The following NCOR2 variants were observed in gnomAD, a reference collection of about 807,000 sequenced individuals.
The protein encoded by NCOR2 is CTG repeat protein 26.
Under a neutral mutation model 262.9 loss-of-function variants are expected in NCOR2, and 81 were observed. The observed-to-expected ratio is 0.31, with a 90% CI of 0.26 to 0.37. The LOEUF (loss-of-function observed/expected upper bound fraction) is 0.37, where lower values mean the gene tolerates loss of function less well. Among genes scored for constraint, NCOR2 ranks in the 10% least tolerant of loss-of-function variants. The pLI, the probability that NCOR2 is intolerant of heterozygous loss-of-function variation, is 1.00. For missense variants in NCOR2, 3,385 were observed against 3,621.4 expected (o/e 0.93, Z 1.68); for synonymous variants, 1,659 against 1,559.3 (o/e 1.06, Z -1.51).
chr12:124,450,140 G>A (rs912104496), intron 6 of NCOR2, among the ~76,000 whole-genome samples: 1 of 152,226 alleles, frequency 6.6e-6, no homozygotes, highest in Non-Finnish European at 1.5e-5. Context: ...GTGCTGGCCT[G>A]GAAGGGGCCA....
In NCOR2 at chr12:124,549,474, C is replaced by A. The variant is rs917302249; in HGVS notation, c.-164-13863G>T. ...GGCCTGGGGAGGAAGGCAACTGAGC[C>A]CCCTGCAGTAGAAACCCCCACCCGC... On this transcript the variant is annotated intron_variant, in intron 1 of 32. Coordinates refer to the NCOR2 transcript ENST00000458234. The surrounding 1 kb of genome is among the most constrained non-coding windows in gnomAD (Gnocchi z 4.4). Among the ~76,000 whole-genome samples, 2 of 152,016 alleles carry A rather than the reference C, an allele frequency of 1.3e-5. No homozygotes were observed. The highest frequency in any genetic ancestry group is 4.8e-5 in the African/African-American group (2 of 41,360).
At chr12:124,450,790 G>C (rs2045474361) in intron 6 of NCOR2, among the ~76,000 whole-genome samples, 1 of 152,230 alleles carries the variant, frequency 6.6e-6, no homozygotes, top group Non-Finnish European at 1.5e-5. Flanking sequence ...CTAGGTTCAA[G>C]TCCCGGTTCT....
exon 20 of NCOR2, chr12:124,372,173 T>C (rs1265804931): frequency 6.2e-7 from 1 of 1,601,518 alleles, no homozygotes; most frequent in Non-Finnish European, 8.5e-7. Flanking sequence ...CCCTCGGCCG[T>C]GGCCTCAGCG....
intron 27 of NCOR2, among the ~76,000 whole-genome samples, chr12:124,352,450 G>A (rs1337671178): frequency 6.6e-6 from 1 of 151,672 alleles, no homozygotes; most frequent in African/African-American, 2.4e-5. Flanking sequence ...ATAGTTCACT[G>A]CAGCCTCAAA....
intron 42 of NCOR2, 140 bp from the exon 45 acceptor site, chr12:124,332,607 G>A: frequency 9.1e-7 from 1 of 1,104,302 alleles, no homozygotes; most frequent in Non-Finnish European, 1.3e-6. Flanking sequence ...CCCCTGCCTG[G>A]TAGAAGATCA....
rs148540013 is a variant in NCOR2 at position 124,360,892 on chromosome 12, T to C, written c.3100+1234A>G. On this transcript the variant is annotated intron_variant, in intron 22 of 46. Coordinates refer to ENST00000405201, the Ensembl canonical transcript of NCOR2. ...TCTAAAACCATCTTGCTTCGTTACGTGTTCCCTGGTTTAACATCCTCCTCA... is the reference window on the plus strand; with the variant it reads ...TCTAAAACCATCTTGCTTCGTTACGCGTTCCCTGGTTTAACATCCTCCTCA... Among the ~76,000 whole-genome samples, 944 of 152,260 alleles carry C rather than the reference T, an allele frequency of 6.2e-3. 11 individuals carry two copies. Among genetic ancestry groups the C allele is most frequent in the African/African-American group, 0.021 (863 of 41,538 alleles).
chr12:124,455,978 C>T (rs764353420), intron 6 of NCOR2, among the ~76,000 whole-genome samples: 5 of 152,176 alleles, frequency 3.3e-5, no homozygotes, highest in African/African-American at 7.2e-5. Context: ...AGGGCTCAAG[C>T]GATCCTCCTG....
chr12:124,409,292 C>T (rs966469967), intron 13 of NCOR2, among the ~76,000 whole-genome samples: 3 of 152,328 alleles, frequency 2.0e-5, no homozygotes, highest in South Asian at 4.1e-4. Flanking sequence ...GGCAGCTCTC[C>T]CCATGCCCAC....
chr12:124,327,681 G>C lies in NCOR2; in HGVS notation c.6959-48C>G, dbSNP rs562138232. On this transcript the variant is annotated intron_variant, in intron 44 of 46. Transcript: ENST00000405201. ...CAGACAGACACATGGGGGCCGGGGA[G>C]GGGGAGCCAGAGGGGCGACAGAGAG... 37 of 1,456,570 alleles carry C rather than the reference G, an allele frequency of 2.5e-5. No homozygotes were observed. In the Admixed American group the frequency reaches 4.2e-4, roughly 16 times the overall value. The allele number at this position is 1,456,570 out of a possible 1,614,324, so 90.2% of individuals were successfully genotyped here. A position where few individuals can be genotyped will look rare whatever the true frequency, so the allele number is the denominator to read the frequency against.
intron 1 of NCOR2, among the ~76,000 whole-genome samples, chr12:124,501,062 GCACACACACACACACACACACACA>G (rs3040848): frequency 4.3e-4 from 63 of 147,920 alleles, no homozygotes; most frequent in African/African-American, 6.3e-4. Flanking sequence ...GCGCACGCGC[GCACACACACACACACACACACACA>G]CACACACACA....
intron 13 of NCOR2, among the ~76,000 whole-genome samples, chr12:124,418,618 T>C (rs1315456032): frequency 6.6e-6 from 1 of 152,212 alleles, no homozygotes. Context: ...GGGGACACTT[T>C]GTGTCTACCG....
At chr12:124,444,590 C>G (rs1352064159) in intron 7 of NCOR2, among the ~76,000 whole-genome samples, 1 of 152,070 alleles carries the variant, frequency 6.6e-6, no homozygotes, top group Non-Finnish European at 1.5e-5. Context: ...AGAAAATGAG[C>G]AGAGCCCTGG....
rs967518718 is a variant in NCOR2, at chr12:124,330,790, G to C, written c.6958+55C>G. 1.4e-5 allele frequency: 22 copies of C among 1,530,182 alleles called. No homozygotes were observed. In the Admixed American group the frequency reaches 2.7e-4, roughly 19 times the overall value. The allele number at this position is 1,530,182 out of a possible 1,614,324, so 94.8% of individuals were successfully genotyped here. A position where few individuals can be genotyped will look rare whatever the true frequency, so the allele number is the denominator to read the frequency against. On this transcript the variant is annotated intron_variant, in intron 44 of 46. Transcript: ENST00000405201. ...CCTTCATGACAGCTGGAGCAGGGGT[G>C]GGGAGGGAGCGGAGGGGACCAGGGC...
chr12:124,508,765 C>G (rs960262123), intron 1 of NCOR2, among the ~76,000 whole-genome samples: 3 of 152,170 alleles, frequency 2.0e-5, no homozygotes, highest in Non-Finnish European at 4.4e-5. Flanking sequence ...AAAACCAACC[C>G]AATAAATCAG....
At position 124,504,871 on chromosome 12, in the gene NCOR2, G is replaced by A. The variant is rs1190769573; in HGVS notation, c.-117-9503C>T. On this transcript the variant is annotated intron_variant, in intron 1 of 46. Transcript: ENST00000404621. This position sits in a 1 kb window ranked among gnomAD's most constrained non-coding sequence, Gnocchi z 4.5. The stretch of plus-strand genomic sequence containing the variant: ...GGCCCGAGGCTGCCAGGGGTTGTGG[G>A]GAGGGAGGAGAGGGGAGTGACGGTT... Among the ~76,000 whole-genome samples, 1 of 152,218 alleles carries A rather than the reference G, an allele frequency of 6.6e-6. No individual in the cohort carries two copies.
At chr12:124,479,505 ACACACGCACATGCGCG>A (rs1300702249) in intron 3 of NCOR2, among the ~76,000 whole-genome samples, 3 of 151,600 alleles carry the variant, frequency 2.0e-5, no homozygotes, top group African/African-American at 2.4e-5. Flanking sequence ...ATGCGCGCAT[ACACACGCACATGCGCG>A]CACACGCACA....
At chr12:124,354,306 T>C (rs1033350913) in intron 26 of NCOR2, 110 bp from the exon 29 acceptor site, 33 of 1,270,094 alleles carry the variant, frequency 2.6e-5, no homozygotes, top group East Asian at 5.1e-5. Context: ...TGCTAGTTGT[T>C]TCAACGCAGA....
In NCOR2 at chr12:124,398,111, C is replaced by T. The variant is rs1264914817; in HGVS notation, c.1876+8G>A. The T allele has an allele frequency of 5.6e-6, 9 of 1,614,102 alleles. No individual in the cohort carries two copies. Among genetic ancestry groups the T allele is most frequent in the African/African-American group, 1.3e-5 (1 of 74,964 alleles). ...CAACAAGGCTTAAAGCCGCCACACA[C>T]CCCTCACCTTTCTTGGCTGTTTCCA... On this transcript the variant is annotated splice_region_variant and intron_variant, in intron 16 of 46. Transcript: ENST00000405201.
intron 8 of NCOR2, among the ~76,000 whole-genome samples, chr12:124,435,722 C>A (rs182650188): frequency 2.4e-4 from 37 of 152,330 alleles, no homozygotes; most frequent in African/African-American, 8.4e-4. Context: ...TGCTCAGCCC[C>A]ACCATGTGGC....
Sources: allele counts gnomAD v4.1 joint callset (sites outside exome capture counted in the v4.1 genomes callset), GRCh38; gene constraint gnomAD v4.1.1; non-coding constraint Gnocchi (gnomAD v3.1); transcripts MANE v1.5; gene names NCBI Gene and HGNC (gene_info 2026-07-23, HGNC 2026-07-21).